Variants in OSCP1 observed in about 807,000 individuals in gnomAD.
The protein encoded by OSCP1 is organic solute carrier partner 1, also known as protein OSCP1.
Under a neutral mutation model 45.1 loss-of-function variants are expected in OSCP1, and 35 were observed. The observed-to-expected ratio is 0.78, with a 90% CI of 0.59 to 1.03. OSCP1 has a LOEUF of 1.03. OSCP1 is among the 50% of genes least tolerant of loss of function. The pLI is 0.00. For missense variants in OSCP1, 400 were observed against 470.7 expected, an observed-to-expected ratio of 0.85 and a Z score of 1.39; for synonymous variants, 179 against 180.1, an observed-to-expected ratio of 0.99 and a Z score of 0.05.
intron 4 of OSCP1, among the ~76,000 whole-genome samples, chr1:36,429,229 T>A (rs2124785172): frequency 6.6e-6 from 1 of 151,720 alleles, no homozygotes; most frequent in South Asian, 2.1e-4. Context: ...CTACAAAAAA[T>A]ACAAAAAATT....
At chr1:36,428,858 T>C (rs1330077216) in intron 4 of OSCP1, among the ~76,000 whole-genome samples, 1 of 152,022 alleles carries the variant, frequency 6.6e-6, no homozygotes, top group Non-Finnish European at 1.5e-5. Context: ...GGCAGGAGAA[T>C]TGCTTGAACC....
chr1:36,435,727 G>A (rs1047534503), intron 2 of OSCP1, among the ~76,000 whole-genome samples: 3 of 151,890 alleles, frequency 2.0e-5, no homozygotes, highest in African/African-American at 7.3e-5. Context: ...CTGCCTCCCG[G>A]GTTCAAGCAA....
At chr1:36,431,940 A>G in intron 3 of OSCP1, 58 bp from the exon 4 acceptor site, 2 of 1,522,440 alleles carry the variant, frequency 1.3e-6, no homozygotes, top group Non-Finnish European at 9.0e-7. Flanking sequence ...AGTAGTACGC[A>G]CCGGCAGGGC....
At chr1:36,422,085 T>A in intron 7 of OSCP1, 65 bp downstream of exon 7, 1 of 1,488,838 alleles carries the variant, frequency 6.7e-7, no homozygotes, top group Non-Finnish European at 9.4e-7. Context: ...TTCTCACCTC[T>A]CTTTATGTAG....
intron 1 of OSCP1, among the ~76,000 whole-genome samples, chr1:36,449,272 A>G (rs1649729587): frequency 1.3e-5 from 2 of 152,194 alleles, no homozygotes; most frequent in Admixed American, 1.3e-4. Context: ...AAAAGAGGAA[A>G]AGGAACAGAG....
intron 8 of OSCP1, among the ~76,000 whole-genome samples, chr1:36,419,611 G>A (rs928680403): frequency 3.9e-5 from 6 of 152,126 alleles, no homozygotes; most frequent in African/African-American, 1.4e-4. Flanking sequence ...AAAGTGCTCT[G>A]TAAACTGTAA....
chr1:36,424,880 T>G (rs1570506651), intron 4 of OSCP1, among the ~76,000 whole-genome samples: 1 of 152,202 alleles, frequency 6.6e-6, no homozygotes, highest in Non-Finnish European at 1.5e-5. Context: ...TAATCAAGAA[T>G]AAGTATCTTA....
intron 1 of OSCP1, among the ~76,000 whole-genome samples, chr1:36,441,642 C>CT (rs1192759357): frequency 6.7e-6 from 1 of 149,496 alleles, no homozygotes; most frequent in Non-Finnish European, 1.5e-5. Flanking sequence ...GTCCCAGCTA[C>CT]CGGGAGGCTG....
chr1:36,427,299 C>CATTTTTTTTTTTT (rs546467564), intron 4 of OSCP1, among the ~76,000 whole-genome samples: 1 of 96,328 alleles, frequency 1.0e-5, no homozygotes, highest in African/African-American at 4.8e-5. Context: ...GGCGCCTGGC[C>CATTTTTTTTTTTT]TTTTTTTTTT....
chr1:36,422,062 G>A (rs1325282495), intron 7 of OSCP1, 88 bp downstream of exon 7: 16 of 1,318,710 alleles, frequency 1.2e-5, no homozygotes, highest in Non-Finnish European at 1.8e-5. Context: ...GGCTAGATCC[G>A]AAATCTAAAG....
chr1:36,418,316 G>T, intron 9 of OSCP1, 61 bp from the exon 10 acceptor site: 1 of 1,475,608 alleles, frequency 6.8e-7, no homozygotes, highest in African/African-American at 1.4e-5. Context: ...CCGCCTCTTT[G>T]TGCACTAGGC....
At chr1:36,439,296 G>T (rs1200441594) in intron 1 of OSCP1, among the ~76,000 whole-genome samples, 1 of 152,118 alleles carries the variant, frequency 6.6e-6, no homozygotes, top group Non-Finnish European at 1.5e-5. Context: ...CAAGGCTGGA[G>T]GATCACTTGA....
At chr1:36,419,485 T>C (rs1647481724) in intron 8 of OSCP1, among the ~76,000 whole-genome samples, 1 of 152,170 alleles carries the variant, frequency 6.6e-6, no homozygotes, top group African/African-American at 2.4e-5. Flanking sequence ...TCCCAGGACT[T>C]TACATAGTAC....
chr1:36,442,603 T>G (rs1438384131), intron 1 of OSCP1, among the ~76,000 whole-genome samples: 1 of 152,182 alleles, frequency 6.6e-6, no homozygotes, highest in Non-Finnish European at 1.5e-5. Context: ...GCAATCAAGT[T>G]TTTACCAATT....
At chr1:36,432,958 T>C (rs1570524286) in intron 2 of OSCP1, among the ~76,000 whole-genome samples, 2 of 152,210 alleles carry the variant, frequency 1.3e-5, no homozygotes, top group South Asian at 2.1e-4. Flanking sequence ...TCCTAACTTA[T>C]TGTATAACCT....
intron 8 of OSCP1, chr1:36,419,409 C>A: frequency 4.2e-6 from 1 of 236,572 alleles, no homozygotes; most frequent in Admixed American, 5.3e-5. Context: ...TATATCTGTA[C>A]ACGTTCACTC....
chr1:36,442,916 T>C (rs1426458569), intron 1 of OSCP1, among the ~76,000 whole-genome samples: 1 of 152,040 alleles, frequency 6.6e-6, no homozygotes, highest in Non-Finnish European at 1.5e-5. Context: ...GGAGCTGAAA[T>C]TAGAATTAGG....
Position 36,418,205 on chromosome 1 carries a change from G to C in OSCP1, c.1074C>G (p.Ile358Met), listed in dbSNP as rs778532589. Residue 358 changes from isoleucine (I) to methionine (M), a missense_variant, in exon 10 of 10, where the codon ATC becomes ATG. Ile to Met is a conservative substitution (Grantham distance 10). Transcript: ENST00000235532. Reference protein sequence around the residue: ...ELARIMGEFEITEQPRLSTSK... With the variant: ...ELARIMGEFEMTEQPRLSTSK... ...TGGTGCTCAGCCTTGGCTGCTCCGT[G>C]ATCTCAAACTCCCCCATGATTCGAG... is the stretch of plus-strand genomic sequence containing the variant. The C allele has an allele frequency of 1.9e-6, 3 of 1,614,178 alleles. No homozygotes were observed. The highest frequency in any genetic ancestry group is 1.7e-5 in the Admixed American group (1 of 60,026).
chr1:36,421,025 G>A (rs1043546954), intron 7 of OSCP1, among the ~76,000 whole-genome samples: 1 of 151,926 alleles, frequency 6.6e-6, no homozygotes, highest in African/African-American at 2.4e-5. Context: ...ACACACCCTC[G>A]AGTCCATTCC....
Sources: allele counts gnomAD v4.1 joint callset (sites outside exome capture counted in the v4.1 genomes callset), GRCh38; gene constraint gnomAD v4.1.1; transcripts MANE v1.5; gene names NCBI Gene and HGNC (gene_info 2026-07-23, HGNC 2026-07-21).